Variants in ADAM9 observed in about 807,000 individuals in gnomAD.
ADAM9 encodes disintegrin and metalloproteinase domain-containing protein 9.
In ADAM9, 54 loss-of-function variants were observed where a neutral mutation model predicts 108.1. The ratio of observed to expected loss-of-function variants is 0.50; its 90% confidence interval spans 0.40 to 0.63. The LOEUF (loss-of-function observed/expected upper bound fraction) is 0.63, where lower values mean the gene tolerates loss of function less well. Ranked by LOEUF, ADAM9 falls within the 20% of genes least tolerant of loss-of-function variation. The pLI, the probability that ADAM9 is intolerant of heterozygous loss-of-function variation, is 0.00. For missense variants in ADAM9, 830 were observed against 997.7 expected (o/e 0.83, Z 2.26); for synonymous variants, 316 against 336.0 (o/e 0.94, Z 0.65).
chr8:39,015,987 C>A, intron 4 of ADAM9, 131 bp from the exon 5 acceptor site: 1 of 805,296 alleles, frequency 1.2e-6, no homozygotes, highest in Non-Finnish European at 2.1e-6. Context: ...TGTGAGATGC[C>A]AATAATATAA....
intron 14 of ADAM9, among the ~76,000 whole-genome samples, chr8:39,069,979 TAAAA>T (rs869079193): frequency 6.0e-5 from 7 of 117,360 alleles, no homozygotes; most frequent in Non-Finnish European, 5.2e-5. Flanking sequence ...CTTGTCTCAC[TAAAA>T]AAAAAAAAAA....
intron 8 of ADAM9, 98 bp downstream of exon 8, chr8:39,021,812 AG>A: frequency 9.4e-7 from 1 of 1,059,852 alleles, no homozygotes; most frequent in Non-Finnish European, 1.5e-6. Flanking sequence ...TGATTTTCAT[AG>A]GGCCTCAATG....
At chr8:39,035,443 C>T (rs1325121642) in intron 11 of ADAM9, among the ~76,000 whole-genome samples, 1 of 152,010 alleles carries the variant, frequency 6.6e-6, no homozygotes, top group African/African-American at 2.4e-5. Flanking sequence ...TTTATCTGCT[C>T]GTTTTTTTCT....
At chr8:39,078,237 C>G (rs1020221541) in intron 16 of ADAM9, among the ~76,000 whole-genome samples, 1 of 151,952 alleles carries the variant, frequency 6.6e-6, no homozygotes, top group Non-Finnish European at 1.5e-5. Flanking sequence ...TAAACTTGAT[C>G]GTTGCAGCTG....
At chr8:39,077,569 T>A (rs1369525582) in intron 16 of ADAM9, among the ~76,000 whole-genome samples, 158 bp downstream of exon 16, 1 of 152,230 alleles carries the variant, frequency 6.6e-6, no homozygotes, top group Non-Finnish European at 1.5e-5. Flanking sequence ...TTAAGAACTA[T>A]AATTCTGTTA....
At chr8:39,014,208 A>G (rs1023116366) in intron 4 of ADAM9, 165 bp downstream of exon 4, 2 of 643,402 alleles carry the variant, frequency 3.1e-6, no homozygotes, top group African/African-American at 3.7e-5. Context: ...ATTTCTATAG[A>G]CTAAGCTGTA....
At position 39,016,112 on chromosome 8, in the gene ADAM9, A is replaced by C. The variant is rs1391031721; in HGVS notation, c.334-6A>C. 3 of 1,612,032 alleles carry C rather than the reference A, an allele frequency of 1.9e-6. No individual in the cohort carries two copies. In the African/African-American group the frequency reaches 4.0e-5, roughly 21 times the overall value. Reference sequence around the variant, plus strand: ...ATTTGAAGATAATACAGTATTTTTCATTTAGAATCATTGTCATTATCGGGG... The same window carrying C: ...ATTTGAAGATAATACAGTATTTTTCCTTTAGAATCATTGTCATTATCGGGG... On this transcript the variant is annotated splice_polypyrimidine_tract_variant and splice_region_variant and intron_variant, in intron 4 of 21. Coordinates refer to ENST00000487273, the MANE Select transcript of ADAM9 (RefSeq NM_003816.3).
At chr8:39,003,948 C>G (rs970715864) in intron 1 of ADAM9, among the ~76,000 whole-genome samples, 2 of 152,090 alleles carry the variant, frequency 1.3e-5, no homozygotes, top group African/African-American at 4.8e-5. Context: ...GTAAAAGATT[C>G]ATAGAAGACA....
At chr8:39,079,450 GAGA>G (rs1838951195) in intron 16 of ADAM9, among the ~76,000 whole-genome samples, 1 of 151,898 alleles carries the variant, frequency 6.6e-6, no homozygotes, top group Admixed American at 6.6e-5. Context: ...ATTTTTTTCT[GAGA>G]AGTTCATATT....
intron 13 of ADAM9, 29 bp downstream of exon 13, chr8:39,054,602 G>GAA (rs755442483): frequency 0.041 from 37,789 of 929,950 alleles, 3 homozygotes; most frequent in East Asian, 0.061. Flanking sequence ...TTGGAAACAG[G>GAA]AAAAAAAAAA....
At chr8:39,099,948 C>T (rs1370031040) in intron 20 of ADAM9, among the ~76,000 whole-genome samples, 23 of 142,836 alleles carry the variant, frequency 1.6e-4, no homozygotes, top group African/African-American at 4.2e-4. Flanking sequence ...GGCATGATCT[C>T]GGCTCATTGC....
chr8:39,003,225 TG>T (rs11313381), intron 1 of ADAM9, among the ~76,000 whole-genome samples: 6,351 of 152,214 alleles, frequency 0.042, 453 homozygotes, highest in African/African-American at 0.15. Flanking sequence ...TTTACTTCAT[TG>T]GCAGTCTGGG....
chr8:39,055,667 G>C lies in ADAM9; in HGVS notation c.1486G>C (p.Asp496His). Residue 496 changes from aspartate to histidine, a missense_variant, in exon 14 of 22, where the codon GAT becomes CAT. Physicochemically the swap from Asp to His is moderately conservative, Grantham distance 81 (BLOSUM62 -1). Coordinates refer to ENST00000487273, the MANE Select transcript of ADAM9 (RefSeq NM_003816.3). ...TGGTTCTTCTCAGTTCTGTCAGCCA[G>C]ATGTTTTTATTCAGAATGGATATCC... Reference protein sequence around the residue: ...CNGSSQFCQPDVFIQNGYPCQ... With the variant: ...CNGSSQFCQPHVFIQNGYPCQ... 6.2e-7 allele frequency: 1 copy of C among 1,613,796 alleles called. No individual in the cohort carries two copies. The highest frequency in any genetic ancestry group is 8.5e-7 in the Non-Finnish European group (1 of 1,179,788).
chr8:39,081,402 A>G (rs1278250419), intron 16 of ADAM9, among the ~76,000 whole-genome samples: 1 of 152,204 alleles, frequency 6.6e-6, no homozygotes, highest in Non-Finnish European at 1.5e-5. Flanking sequence ...ATTTCATCTT[A>G]TTTAACACTT....
At chr8:39,054,453 T>A in intron 12 of ADAM9, 28 bp from the exon 13 acceptor site, 1 of 1,575,070 alleles carries the variant, frequency 6.3e-7, no homozygotes, top group Non-Finnish European at 8.7e-7. Context: ...TACTAATTTC[T>A]TTATTGACAG....
chr8:39,020,558 G>T (rs964956924), intron 7 of ADAM9, among the ~76,000 whole-genome samples: 1 of 152,086 alleles, frequency 6.6e-6, no homozygotes, highest in Non-Finnish European at 1.5e-5. Context: ...TTTCAGTTTA[G>T]CCAGGTGTCA....
intron 11 of ADAM9, among the ~76,000 whole-genome samples, chr8:39,027,929 A>T (rs1054616323): frequency 3.9e-5 from 6 of 152,130 alleles, no homozygotes; most frequent in Middle Eastern, 3.4e-3. Context: ...AATAAATAAA[A>T]AATAAAATAT....
intron 9 of ADAM9, among the ~76,000 whole-genome samples, chr8:39,023,739 TG>T (rs1312757438): frequency 4.3e-4 from 63 of 146,594 alleles, no homozygotes; most frequent in Admixed American, 2.3e-3. Flanking sequence ...CTTTTGCGTT[TG>T]TTTTTTTTTT....
intron 1 of ADAM9, among the ~76,000 whole-genome samples, chr8:39,002,618 G>T (rs1363542629): frequency 6.6e-6 from 1 of 152,036 alleles, no homozygotes; most frequent in Non-Finnish European, 1.5e-5. Flanking sequence ...ACTGTGCCCG[G>T]CCACAATTAG....
Sources: allele counts gnomAD v4.1 joint callset (sites outside exome capture counted in the v4.1 genomes callset), GRCh38; gene constraint gnomAD v4.1.1; transcripts MANE v1.5; gene names NCBI Gene and HGNC (gene_info 2026-07-23, HGNC 2026-07-21).